Variants in HECW2 observed in about 807,000 individuals in gnomAD.
The protein encoded by HECW2 is E3 ubiquitin-protein ligase HECW2.
HECW2 carries 61 observed loss-of-function variants against 175.2 expected under a neutral mutation model. The observed-to-expected ratio is 0.35, with a 90% CI of 0.28 to 0.43. The LOEUF (loss-of-function observed/expected upper bound fraction) is 0.43, where lower values mean the gene tolerates loss of function less well. Ranked by LOEUF, HECW2 falls within the 20% of genes least tolerant of loss-of-function variation. The pLI is 1.00. For synonymous variants in HECW2, 671 were observed against 731.0 expected (o/e 0.92, Z 1.32); for missense variants, 1,524 against 2,000.5 (o/e 0.76, Z 4.54).
intron 21 of HECW2, among the ~76,000 whole-genome samples, chr2:196,238,052 G>C (rs1327939816): frequency 6.6e-6 from 1 of 152,306 alleles, no homozygotes; most frequent in East Asian, 1.9e-4. Context: ...TAAAGAGAAA[G>C]TAACAGAAAA....
intron 20 of HECW2, 98 bp downstream of exon 20, chr2:196,241,986 G>T: frequency 9.2e-7 from 1 of 1,091,506 alleles, no homozygotes; most frequent in Non-Finnish European, 1.4e-6. Context: ...TAAAATGAAG[G>T]CTAGTCATCC....
intron 22 of HECW2, among the ~76,000 whole-genome samples, chr2:196,226,333 C>T (rs1687849507): frequency 6.6e-6 from 1 of 152,168 alleles, no homozygotes; most frequent in African/African-American, 2.4e-5. Flanking sequence ...AGACCATCCC[C>T]AAAGCCCAGT....
In HECW2 at chr2:196,257,803, A is replaced by G. The variant is rs754824090; in HGVS notation, c.3419+20T>C. 5 of 1,563,638 alleles carry G rather than the reference A, an allele frequency of 3.2e-6. No individual in the cohort carries two copies. The highest frequency in any genetic ancestry group is 1.7e-5 in the Admixed American group (1 of 59,360). ...ATGACAAGAGACCTTCTGCTTCAAG[A>G]GTGAGTGTTACGTATGTACCTCAGC... On this transcript the variant is annotated intron_variant, in intron 18 of 28. Coordinates refer to ENST00000644978, the MANE Select transcript of HECW2 (RefSeq NM_001348768.2).
intron 1 of HECW2, among the ~76,000 whole-genome samples, chr2:196,492,305 C>T (rs1235250419): frequency 6.6e-6 from 1 of 152,140 alleles, no homozygotes; most frequent in Non-Finnish European, 1.5e-5. Flanking sequence ...GACCGTCATC[C>T]AGACCATGGG....
At position 196,331,171 on chromosome 2, in the gene HECW2, G is replaced by T. The variant is rs930459865; in HGVS notation, c.496-1521C>A. ...TCACATGTCCTCTGCAACACACCAG[G>T]GTCCATCCAGGTATCTGTTTTTCCT... On this transcript the variant is annotated intron_variant, in intron 4 of 28. Transcript: ENST00000644978. 1.0e-5 allele frequency: 10 copies of T among 985,214 alleles called. No individual in the cohort carries two copies. In the Admixed American group the frequency reaches 2.5e-4, roughly 24 times the overall value. The allele number at this position is 985,214 out of a possible 1,614,324, so 61.0% of individuals were successfully genotyped here. A position where few individuals can be genotyped will look rare whatever the true frequency, so the allele number is the denominator to read the frequency against.
chr2:196,269,594 T>G (rs1263864837), intron 17 of HECW2: 1 of 151,792 alleles, frequency 6.6e-6, no homozygotes, highest in Non-Finnish European at 1.5e-5. Flanking sequence ...ACATATATAT[T>G]TTTACATTCA....
chr2:196,358,585 C>CAAAAA lies in HECW2; in HGVS notation c.293-14826_293-14822dup, dbSNP rs144181608. On this transcript the variant is annotated intron_variant, in intron 2 of 28. Coordinates refer to ENST00000644978, the MANE Select transcript of HECW2 (RefSeq NM_001348768.2). ...TGGGAGACAGAGCAAGACTCTGTCT[C>CAAAAA]AAAAAAAAAAAAAAAAAAAAAAAAA... Among the ~76,000 whole-genome samples the CAAAAA allele has an allele frequency of 2.7e-4, 18 of 67,354 alleles. 1 individual carries two copies. Among genetic ancestry groups the CAAAAA allele is most frequent in the African/African-American group, 8.2e-4 (13 of 15,834 alleles). 44.2% of individuals were successfully genotyped at this position (67,354 alleles called of 152,430 possible). A position where few individuals can be genotyped will look rare whatever the true frequency, so the allele number is the denominator to read the frequency against.
At chr2:196,472,611 TTTTTTC>T (rs1009515949) in intron 1 of HECW2, among the ~76,000 whole-genome samples, 1 of 152,020 alleles carries the variant, frequency 6.6e-6, no homozygotes, top group Non-Finnish European at 1.5e-5. Context: ...AAGATGACTT[TTTTTTC>T]TTTTTCTTTT....
intron 2 of HECW2, among the ~76,000 whole-genome samples, chr2:196,429,267 A>G (rs2375854): frequency 0.95 from 144,205 of 152,124 alleles, 68,449 homozygotes; most frequent in East Asian, 1. Flanking sequence ...CCCTGAGATT[A>G]AGGACTTACT....
chr2:196,447,857 C>T (rs575936229), intron 1 of HECW2, among the ~76,000 whole-genome samples: 6 of 152,108 alleles, frequency 3.9e-5, no homozygotes, highest in African/African-American at 1.4e-4. Flanking sequence ...GGAGTTCGAG[C>T]CAAGCCTGGC....
chr2:196,434,812 AC>A (rs780989440), intron 1 of HECW2, among the ~76,000 whole-genome samples: 2 of 152,194 alleles, frequency 1.3e-5, no homozygotes, highest in Non-Finnish European at 2.9e-5. Context: ...TGCCACTCAC[AC>A]TACCACTTCT....
At chr2:196,228,391 A>G in intron 21 of HECW2, 137 bp from the exon 22 acceptor site, 1 of 731,784 alleles carries the variant, frequency 1.4e-6, no homozygotes, top group Non-Finnish European at 2.2e-6. Flanking sequence ...TCCAAAACAA[A>G]CTGAATGATC....
chr2:196,330,701 C>T (rs559789879), intron 4 of HECW2, among the ~76,000 whole-genome samples: 3 of 152,148 alleles, frequency 2.0e-5, no homozygotes, highest in Non-Finnish European at 4.4e-5. Flanking sequence ...ACTCTGGCCC[C>T]GCCATCAGCA....
At chr2:196,429,722 C>T (rs1193615780) in intron 2 of HECW2, among the ~76,000 whole-genome samples, 1 of 152,116 alleles carries the variant, frequency 6.6e-6, no homozygotes, top group African/African-American at 2.4e-5. Flanking sequence ...GAGTGTAGAG[C>T]AAGAAGCTAG....
At chr2:196,585,746 G>A (rs1047254020) in intron 1 of HECW2, among the ~76,000 whole-genome samples, 1 of 151,928 alleles carries the variant, frequency 6.6e-6, no homozygotes, top group Non-Finnish European at 1.5e-5. Flanking sequence ...CTATACGGAG[G>A]GTATCCAATA....
chr2:196,232,893 T>A (rs561100200), intron 21 of HECW2, among the ~76,000 whole-genome samples: 1 of 152,370 alleles, frequency 6.6e-6, no homozygotes, highest in East Asian at 1.9e-4. Flanking sequence ...AGTTTTTATC[T>A]GCTGACTTTT....
chr2:196,235,585 A>T (rs1688215479), intron 21 of HECW2, among the ~76,000 whole-genome samples: 1 of 151,830 alleles, frequency 6.6e-6, no homozygotes, highest in Admixed American at 6.6e-5. Flanking sequence ...CAAATAAAGA[A>T]AGTGGAGCTG....
chr2:196,440,013 G>A (rs574240348), intron 1 of HECW2, among the ~76,000 whole-genome samples: 1 of 152,266 alleles, frequency 6.6e-6, no homozygotes, highest in East Asian at 1.9e-4. Context: ...CTAAATTGTG[G>A]ATTTTCAATC....
Position 196,318,740 on chromosome 2 carries a change from T to A in HECW2, c.2150A>T (p.Asp717Val). Residue 717 changes from aspartate (D) to valine (V), a missense_variant, in exon 9 of 29, where the codon GAT becomes GTT. Asp to Val is a radical substitution (Grantham distance 152, BLOSUM62 -3). This residue lies in a region of HECW2 where 604 missense variants were observed against 588.3 expected (regional missense o/e 1.03). Coordinates refer to ENST00000644978, the MANE Select transcript of HECW2 (RefSeq NM_001348768.2). ...GGCCGATTCTGCCCCTGGCCCTTCA[T>A]CCTCCCCACTGGGCACCTGTACCAC... ...LPVVQVPSGEDEGPGAESATV... is the reference protein window; with the variant it reads ...LPVVQVPSGEVEGPGAESATV... The A allele has an allele frequency of 6.5e-7, 1 of 1,537,202 alleles. No homozygotes were observed. The highest frequency in any genetic ancestry group is 8.8e-7 in the Non-Finnish European group (1 of 1,141,944).
Sources: gnomAD v4.1 joint callset for allele counts (sites outside exome capture counted in the v4.1 genomes callset) on GRCh38, gnomAD v4.1.1 for gene constraint, gnomAD v4.1.1 regional missense constraint, MANE v1.5 for transcripts, NCBI Gene and HGNC (gene_info 2026-07-23, HGNC 2026-07-21) for gene names.